MXI1: variants seen among roughly 807,000 people sequenced by gnomAD.
MXI1 encodes the protein max-interacting protein 1.
In MXI1, 18 loss-of-function variants were observed where a neutral mutation model predicts 36.9. The observed-to-expected ratio is 0.49, with a 90% confidence interval of 0.34 to 0.72. The LOEUF (loss-of-function observed/expected upper bound fraction) is 0.72. Ranked by LOEUF, MXI1 falls within the 30% of genes least tolerant of loss-of-function variation. The probability of loss-of-function intolerance (pLI) is 0.01; values close to 1 mark genes in which losing one functional copy is unlikely to be tolerated. For synonymous variants in MXI1, 160 were observed against 146.7 expected (o/e 1.09, Z -0.65); for missense variants, 304 against 379.1 (o/e 0.80, Z 1.64).
At position 110,284,801 on chromosome 10, in the gene MXI1, CTTT is replaced by C. The variant is rs138538431; in HGVS notation, c.725-13_725-11del. Reference sequence around the variant, plus strand: ...GCTATACTCGATAATTAATGTTCTTCTTTTTTTTTTTTCCTTTGGCAGAGGAGA... The same window carrying C: ...GCTATACTCGATAATTAATGTTCTTCTTTTTTTTTCCTTTGGCAGAGGAGA... On this transcript the variant is annotated intron_variant, in intron 5 of 5. Coordinates refer to ENST00000332674, the MANE Select transcript of MXI1 (RefSeq NM_130439.3). 14 of 1,195,572 alleles carry C rather than the reference CTTT, an allele frequency of 1.2e-5. No homozygotes were observed. Among genetic ancestry groups the C allele is most frequent in the South Asian group, 1.5e-5 (1 of 64,960 alleles). 74.1% of individuals were successfully genotyped at this position (1,195,572 alleles called of 1,614,324 possible).
chr10:110,259,069 G>C (rs906460483), intron 3 of MXI1, among the ~76,000 whole-genome samples: 4 of 152,076 alleles, frequency 2.6e-5, no homozygotes, highest in African/African-American at 7.2e-5. Context: ...TTGAAATTCA[G>C]CTTCTAAAAT....
chr10:110,215,030 AGTTTTTTTTTTT>A (rs144695667), intron 1 of MXI1, among the ~76,000 whole-genome samples: 36 of 98,922 alleles, frequency 3.6e-4, no homozygotes, highest in South Asian at 2.1e-3. Flanking sequence ...GCTCCACTTC[AGTTTTTTTTTTT>A]GTTTTTTTTT....
At chr10:110,236,627 A>T (rs889336958) in intron 2 of MXI1, among the ~76,000 whole-genome samples, 3 of 151,890 alleles carry the variant, frequency 2.0e-5, no homozygotes, top group African/African-American at 4.8e-5. Flanking sequence ...CACTCTGCTA[A>T]TTTTTATATT....
At chr10:110,283,438 A>G (rs1175123012) in intron 5 of MXI1, among the ~76,000 whole-genome samples, 2 of 151,634 alleles carry the variant, frequency 1.3e-5, no homozygotes, top group African/African-American at 4.9e-5. Flanking sequence ...TAATTTTTCT[A>G]TTTTTAGCCT....
chr10:110,223,396 A>G (rs1854867295), intron 1 of MXI1, among the ~76,000 whole-genome samples: 1 of 152,088 alleles, frequency 6.6e-6, no homozygotes, highest in East Asian at 1.9e-4. Context: ...AGTGTGGCCA[A>G]CATGGTGAAA....
At chr10:110,237,130 A>ATATTGTT (rs1855502822) in intron 2 of MXI1, among the ~76,000 whole-genome samples, 1 of 150,774 alleles carries the variant, frequency 6.6e-6, no homozygotes, top group South Asian at 2.1e-4. Context: ...GATTTTCTAA[A>ATATTGTT]TAGACAGTAA....
At chr10:110,227,629 A>C in intron 1 of MXI1, 4 of 871,838 alleles carry the variant, frequency 4.6e-6, no homozygotes, top group Non-Finnish European at 5.5e-6. Flanking sequence ...GAGCGGGGGA[A>C]AACCGGTGGA....
At chr10:110,230,513 A>C (rs1855222052) in intron 2 of MXI1, among the ~76,000 whole-genome samples, 1 of 152,230 alleles carries the variant, frequency 6.6e-6, no homozygotes. Context: ...AGAGAGAAAA[A>C]TATATTTTAG....
At chr10:110,209,977 C>T (rs1341695473) in intron 1 of MXI1, among the ~76,000 whole-genome samples, 1 of 141,898 alleles carries the variant, frequency 7.0e-6, no homozygotes, top group Non-Finnish European at 1.5e-5. Context: ...GTCGGAGATT[C>T]CTCAGCGTCC....
intron 2 of MXI1, among the ~76,000 whole-genome samples, chr10:110,237,377 C>G (rs926072639): frequency 1.3e-5 from 2 of 152,102 alleles, no homozygotes; most frequent in Non-Finnish European, 2.9e-5. Context: ...CCCTTATTTG[C>G]TAAGAGTTTT....
At chr10:110,265,693 T>C (rs1293648365) in intron 3 of MXI1, among the ~76,000 whole-genome samples, 1 of 152,202 alleles carries the variant, frequency 6.6e-6, no homozygotes, top group Non-Finnish European at 1.5e-5. Context: ...TATTATAAGC[T>C]CCTATAAGCA....
intron 1 of MXI1, among the ~76,000 whole-genome samples, chr10:110,221,144 G>GA (rs528825822): frequency 5.2e-3 from 797 of 152,176 alleles, no homozygotes; most frequent in Non-Finnish European, 9.0e-3. Context: ...ACCATAAACA[G>GA]AAAAAAACAG....
intron 1 of MXI1, chr10:110,226,252 G>C: frequency 6.7e-7 from 1 of 1,502,680 alleles, no homozygotes; most frequent in Non-Finnish European, 8.9e-7. Flanking sequence ...GTCTGCTGGA[G>C]GCTGCCGAGT....
chr10:110,285,148 C>A lies in MXI1; in HGVS notation c.*161C>A. ...AAGGGTCAGAGGACCTGTATTTAAG[C>A]AAATACTTAGCAAAAAGTGGGGCAG... On this transcript the variant is annotated 3_prime_UTR_variant, in exon 6 of 6. Transcript: ENST00000332674. The A allele has an allele frequency of 1.7e-6, 1 of 602,276 alleles. No individual in the cohort carries two copies. Among genetic ancestry groups the A allele is most frequent in the Non-Finnish European group, 2.5e-6 (1 of 398,748 alleles). The allele number at this position is 602,276 out of a possible 1,614,324, so 37.3% of individuals were successfully genotyped here. A position where few individuals can be genotyped will look rare whatever the true frequency, so the allele number is the denominator to read the frequency against.
In MXI1 at chr10:110,228,354, TG is replaced by T. The variant is rs780266972; in HGVS notation, c.407+35del. 1.1e-5 allele frequency: 17 copies of T among 1,613,272 alleles called. No individual in the cohort carries two copies. The African/African-American group carries it at 1.9e-4, about 18-fold the overall frequency. On this transcript the variant is annotated intron_variant, in intron 2 of 5. Coordinates refer to ENST00000332674, the MANE Select transcript of MXI1 (RefSeq NM_130439.3). ...GCTGGGAACGCTTAGAAGAGGGAAC[TG>T]GAGGGAAGGAGCACATTTCTCCTGT...
intron 3 of MXI1, among the ~76,000 whole-genome samples, chr10:110,270,661 T>C (rs574008350): frequency 1.3e-5 from 2 of 152,336 alleles, no homozygotes; most frequent in South Asian, 4.1e-4. Context: ...ATATTGCTTT[T>C]TAGACTTTCC....
intron 3 of MXI1, among the ~76,000 whole-genome samples, chr10:110,246,122 G>A (rs1008676246): frequency 1.1e-4 from 16 of 151,960 alleles, no homozygotes; most frequent in African/African-American, 3.6e-4. Flanking sequence ...AAGAGTTCGA[G>A]ACCAGCCTGG....
At chr10:110,242,629 TA>T (rs962988551) in intron 2 of MXI1, among the ~76,000 whole-genome samples, 5 of 151,980 alleles carry the variant, frequency 3.3e-5, no homozygotes, top group African/African-American at 1.2e-4. Context: ...AAAAAGATAA[TA>T]AAGAAATGTC....
chr10:110,207,612 C>A lies in MXI1; in HGVS notation c.-197C>A. 5.5e-6 allele frequency: 1 copy of A among 180,210 alleles called. No homozygotes were observed. Among genetic ancestry groups the A allele is most frequent in the Non-Finnish European group, 1.1e-5 (1 of 88,618 alleles). The allele number at this position is 180,210 out of a possible 1,614,324, so 11.2% of individuals were successfully genotyped here. Reference sequence around the variant, plus strand: ...AGGTTCATTCAATCTCCCATACACACAGACTCACAGCGAGACCGACACACA... The same window carrying A: ...AGGTTCATTCAATCTCCCATACACAAAGACTCACAGCGAGACCGACACACA... On this transcript the variant is annotated 5_prime_UTR_variant, in exon 1 of 6. Coordinates refer to ENST00000332674, the MANE Select transcript of MXI1 (RefSeq NM_130439.3).
Sources: gnomAD v4.1 joint callset for allele counts (sites outside exome capture counted in the v4.1 genomes callset) on GRCh38, gnomAD v4.1.1 for gene constraint, MANE v1.5 for transcripts, NCBI Gene and HGNC (gene_info 2026-07-23, HGNC 2026-07-21) for gene names.